PUDP: variants seen among roughly 807,000 people sequenced by gnomAD.
The protein encoded by PUDP is pseudouridine-5'-phosphatase.
A neutral mutation model predicts 9.4 loss-of-function variants in PUDP; 8 were observed. That is an observed-to-expected ratio of 0.85 (90% confidence interval 0.50 to 1.53). PUDP has a LOEUF of 1.53. Among genes scored for constraint, PUDP ranks in the 40% most tolerant of loss-of-function variants. The pLI is 0.00. For synonymous variants in PUDP, 99 were observed against 80.7 expected (o/e 1.23, Z -1.22); for missense variants, 188 against 189.7 (o/e 0.99, Z 0.05).
intron 3 of PUDP, among the ~76,000 whole-genome samples, chrX:6,931,698 A>C (rs1182658549): frequency 9.0e-6 from 1 of 111,693 alleles, no homozygotes; most frequent in Non-Finnish European, 1.9e-5. Context: ...AGCTCAGCTG[A>C]AAGGGAAGGA....
At chrX:6,777,278 G>A (rs1819955012) in intron 3 of PUDP, among the ~76,000 whole-genome samples, 1 of 111,941 alleles carries the variant, frequency 8.9e-6, no homozygotes, top group Non-Finnish European at 1.9e-5. Context: ...CCTACTTAGT[G>A]GTATAGATAA....
intron 3 of PUDP, among the ~76,000 whole-genome samples, chrX:6,888,899 G>T (rs974384611): frequency 9.0e-6 from 1 of 111,459 alleles, no homozygotes; most frequent in Non-Finnish European, 1.9e-5. Flanking sequence ...CGGCCAGATC[G>T]CCCCTGACGA....
intron 1 of PUDP, among the ~76,000 whole-genome samples, chrX:7,003,642 A>G (rs780482912): frequency 8.9e-6 from 1 of 112,113 alleles, no homozygotes; most frequent in South Asian, 3.7e-4. Context: ...AAAGAAAAGG[A>G]AGGAATTTTT....
chrX:6,988,160 G>A (rs1283075037), intron 1 of PUDP, among the ~76,000 whole-genome samples: 2 of 111,988 alleles, frequency 1.8e-5, no homozygotes, highest in Non-Finnish European at 3.8e-5. Context: ...GAACCACCAC[G>A]AAAAGGCAGA....
rs367923470 is a variant in PUDP, at chrX:6,741,352, G to T, written c.*248-34886C>A. Among the ~76,000 whole-genome samples, 30 of 111,635 alleles carry T rather than the reference G, an allele frequency of 2.7e-4. 1 individual carries two copies. The highest frequency in any genetic ancestry group is 8.8e-4 in the African/African-American group (27 of 30,579). On this transcript the variant is annotated intron_variant and NMD_transcript_variant, in intron 3 of 3. Transcript: ENST00000655425. ...CACATGCATACATATGGCAACTGTT[G>T]CATATGTAAATGAATGCATCTATAG...
chrX:6,864,707 T>C (rs767446149), intron 3 of PUDP, among the ~76,000 whole-genome samples: 110 of 112,008 alleles, frequency 9.8e-4, no homozygotes, highest in African/African-American at 3.5e-3. Context: ...GTCAGACTGA[T>C]ATTCCTTGCC....
intron 1 of PUDP, among the ~76,000 whole-genome samples, chrX:6,991,975 A>G (rs925618101): frequency 9.0e-6 from 1 of 111,594 alleles, no homozygotes; most frequent in African/African-American, 3.2e-5. Context: ...TCTATGCGTA[A>G]GAAAAAATTA....
At chrX:7,054,564 A>G (rs1247848773) in intron 3 of PUDP, among the ~76,000 whole-genome samples, 1 of 112,196 alleles carries the variant, frequency 8.9e-6, no homozygotes, top group Non-Finnish European at 1.9e-5. Flanking sequence ...TGGGTTTTCC[A>G]GCACAAGACC....
chrX:6,825,566 A>G (rs917406048), intron 3 of PUDP, among the ~76,000 whole-genome samples: 1 of 111,282 alleles, frequency 9.0e-6, no homozygotes, highest in Admixed American at 9.6e-5. Context: ...CTCCTGGAAT[A>G]TGACTTAGGG....
intron 1 of PUDP, among the ~76,000 whole-genome samples, chrX:7,037,790 CT>C (rs1201949744): frequency 2.7e-5 from 3 of 110,713 alleles, no homozygotes; most frequent in African/African-American, 6.6e-5. Context: ...AAATTCATTC[CT>C]TTTTTTTTCT....
chrX:6,898,954 C>T (rs1462944213), intron 3 of PUDP, among the ~76,000 whole-genome samples: 2 of 111,448 alleles, frequency 1.8e-5, no homozygotes, highest in African/African-American at 6.5e-5. Flanking sequence ...TACTATCCTA[C>T]CCAAGAGAAG....
At chrX:6,963,974 A>G (rs1386106349) in intron 3 of PUDP, among the ~76,000 whole-genome samples, 1 of 112,079 alleles carries the variant, frequency 8.9e-6, no homozygotes, top group African/African-American at 3.2e-5. Flanking sequence ...ATTTTCTAAC[A>G]AGAAGAATGC....
In PUDP at chrX:7,148,144, A is replaced by AGGAGGAAGTGCGCGCGC. The variant is rs1932922960; in HGVS notation, c.-32_-31insGCGCGCGCACTTCCTCC. On this transcript the variant is annotated 5_prime_UTR_variant, in exon 1 of 4. Coordinates refer to ENST00000381077, the MANE Select transcript of PUDP (RefSeq NM_012080.5). ...CGCCTTCTGGGTCTGGGTGGGGGCGAGGAGGAAGTGCGCGCGCACCCGCCC... is the reference window on the plus strand; with the variant it reads ...CGCCTTCTGGGTCTGGGTGGGGGCGAGGAGGAAGTGCGCGCGCGGAGGAAGTGCGCGCGCACCCGCCC... The AGGAGGAAGTGCGCGCGC allele has an allele frequency of 9.6e-7, 1 of 1,041,711 alleles. No individual in the cohort carries two copies. Among genetic ancestry groups the AGGAGGAAGTGCGCGCGC allele is most frequent in the East Asian group, 4.1e-5 (1 of 24,571 alleles). 85.8% of individuals were successfully genotyped at this position (1,041,711 alleles called of 1,213,427 possible).
intron 1 of PUDP, among the ~76,000 whole-genome samples, chrX:6,713,946 C>T (rs1311352885): frequency 3.6e-5 from 4 of 111,205 alleles, no homozygotes; most frequent in East Asian, 2.8e-4. Flanking sequence ...CACCCAGGAT[C>T]GAGTGCAATG....
At position 6,836,891 on chromosome X, in the gene PUDP, A is replaced by G. The variant is rs922998194; in HGVS notation, c.*248-130425T>C. Among the ~76,000 whole-genome samples, 3 of 112,301 alleles carry G rather than the reference A, an allele frequency of 2.7e-5. No individual in the cohort carries two copies. In the Admixed American group the frequency reaches 2.8e-4, roughly 11 times the overall value. ...TGATTGGTCTCTACTGGAGGCTCAG[A>G]GAAGACATGAAAGCCCAAATTCCTA... On this transcript the variant is annotated intron_variant and NMD_transcript_variant, in intron 3 of 3. Transcript: ENST00000655425.
intron 2 of PUDP, among the ~76,000 whole-genome samples, chrX:7,082,040 T>G (rs1243630897): frequency 2.7e-5 from 3 of 112,556 alleles, no homozygotes; most frequent in Non-Finnish European, 3.8e-5. Flanking sequence ...TGGAGTTCTG[T>G]TCTAGGGAGA....
At chrX:7,032,100 C>T (rs1435719118) in intron 1 of PUDP, among the ~76,000 whole-genome samples, 3 of 111,584 alleles carry the variant, frequency 2.7e-5, no homozygotes, top group Admixed American at 1.9e-4. Flanking sequence ...ATTATTTGGA[C>T]AAAAAGTTCC....
Position 6,851,524 on chromosome X carries a change from G to A in PUDP, c.*247+125609C>T, listed in dbSNP as rs185671928. 1.4e-4 allele frequency among the ~76,000 whole-genome samples: 16 copies of A among 111,112 alleles called. No individual in the cohort carries two copies. The East Asian group carries it at 4.3e-3, about 30-fold the overall frequency. The stretch of plus-strand genomic sequence containing the variant: ...AGAGAGAGAGAGAGAAGGGAGCGAG[G>A]AATTAGATGCTATGCATATACAATA... On this transcript the variant is annotated intron_variant and NMD_transcript_variant, in intron 3 of 3. Coordinates refer to the PUDP transcript ENST00000655425.
chrX:6,855,753 G>A (rs1410483590), intron 3 of PUDP, among the ~76,000 whole-genome samples: 3 of 111,751 alleles, frequency 2.7e-5, no homozygotes, highest in South Asian at 3.8e-4. Flanking sequence ...TTCAACCAGT[G>A]TCTTACCGCC....
Sources: allele counts gnomAD v4.1 joint callset (sites outside exome capture counted in the v4.1 genomes callset), GRCh38; gene constraint gnomAD v4.1.1; transcripts MANE v1.5; gene names NCBI Gene and HGNC (gene_info 2026-07-23, HGNC 2026-07-21).